Variants in FANCD2 observed in about 807,000 individuals in gnomAD.
FANCD2 encodes FA complementation group D2, also known as Fanconi anemia group D2 protein.
A neutral mutation model predicts 192.3 loss-of-function variants in FANCD2; 131 were observed. That is an observed-to-expected ratio of 0.68 (90% CI 0.59 to 0.79). The LOEUF is 0.79. Among genes scored for constraint, FANCD2 ranks in the 30% least tolerant of loss-of-function variants. The pLI is 0.00. For synonymous variants in FANCD2, 524 were observed against 612.5 expected (o/e 0.86, Z 2.13); for missense variants, 1,508 against 1,701.6 (o/e 0.89, Z 2.00).
chr3:10,084,144 C>T (rs1694027116), intron 32 of FANCD2, among the ~76,000 whole-genome samples: 1 of 151,788 alleles, frequency 6.6e-6, no homozygotes, highest in African/African-American at 2.4e-5. Context: ...CATGCGCCTG[C>T]CACTGCACCT....
chr3:10,094,814 T>C, intron 40 of FANCD2: 1 of 336,038 alleles, frequency 3.0e-6, no homozygotes, highest in South Asian at 2.9e-5. Flanking sequence ...GAATTAAGGA[T>C]AGAATCACAT....
intron 18 of FANCD2, among the ~76,000 whole-genome samples, chr3:10,053,741 C>G (rs1424571167): frequency 2.0e-5 from 3 of 151,872 alleles, no homozygotes; most frequent in African/African-American, 7.3e-5. Flanking sequence ...TATTCTGTGC[C>G]AGGCACTGAT....
intron 20 of FANCD2, 94 bp downstream of exon 20, chr3:10,062,305 A>G: frequency 1.0e-6 from 1 of 986,092 alleles, no homozygotes; most frequent in Non-Finnish European, 1.5e-6. Context: ...CAGTGGCAAG[A>G]TCTCGGCTCA....
At chr3:10,086,044 ACT>A in intron 33 of FANCD2, 122 bp downstream of exon 33, 1 of 720,988 alleles carries the variant, frequency 1.4e-6, no homozygotes, top group Non-Finnish European at 2.6e-6. Flanking sequence ...ATTTTCAGCT[ACT>A]CTCCTCATAT....
At chr3:10,048,136 C>T (rs1188973974) in intron 16 of FANCD2, 85 bp downstream of exon 16, 28 of 1,582,112 alleles carry the variant, frequency 1.8e-5, no homozygotes, top group East Asian at 2.2e-5. Context: ...TTGGAACTCA[C>T]TGAAGGGGAA....
At chr3:10,029,513 G>C (rs1451264491) in intron 2 of FANCD2, among the ~76,000 whole-genome samples, 1 of 152,056 alleles carries the variant, frequency 6.6e-6, no homozygotes, top group African/African-American at 2.4e-5. Context: ...CTCAAAAAGG[G>C]AGTGGGGGGC....
chr3:10,064,648 A>C (rs1306047683), intron 22 of FANCD2, 81 bp from the exon 23 acceptor site: 2 of 1,463,736 alleles, frequency 1.4e-6, no homozygotes, highest in Non-Finnish European at 1.9e-6. Flanking sequence ...GTTGTGTTTG[A>C]AATTGGTTTG....
intron 8 of FANCD2, 36 bp downstream of exon 8, chr3:10,039,393 G>C: frequency 6.6e-7 from 1 of 1,511,260 alleles, no homozygotes; most frequent in Non-Finnish European, 9.2e-7. Flanking sequence ...AATTTAAAGA[G>C]TATGTTTCTC....
intron 7 of FANCD2, among the ~76,000 whole-genome samples, chr3:10,037,815 G>C (rs2086768285): frequency 6.6e-6 from 1 of 152,002 alleles, no homozygotes; most frequent in Non-Finnish European, 1.5e-5. Flanking sequence ...TATTAGGTTG[G>C]TGCAAAAGTA....
intron 25 of FANCD2, among the ~76,000 whole-genome samples, 161 bp downstream of exon 25, chr3:10,066,140 T>G (rs185027909): frequency 6.6e-5 from 10 of 152,342 alleles, no homozygotes; most frequent in Admixed American, 1.3e-4. Flanking sequence ...ATGAACCTCC[T>G]TAGGTAGCCA....
chr3:10,069,527 T>TACTGC (rs997012592), intron 26 of FANCD2, among the ~76,000 whole-genome samples: 10 of 138,926 alleles, frequency 7.2e-5, no homozygotes, highest in Non-Finnish European at 1.4e-4. Context: ...AGCTGGACTG[T>TACTGC]ACTGCTGCCA....
At chr3:10,046,348 T>C (rs1045788978) in intron 14 of FANCD2, 14 of 545,400 alleles carry the variant, frequency 2.6e-5, no homozygotes, top group Admixed American at 1.6e-4. Context: ...CCACTGTGCC[T>C]GGCCTGCTCT....
At chr3:10,060,472 A>C in intron 19 of FANCD2, 69 bp downstream of exon 19, 117 of 1,142,870 alleles carry the variant, frequency 1.0e-4, no homozygotes, top group Non-Finnish European at 1.5e-4. Flanking sequence ...GTTACATCTC[A>C]TAGACATCAT....
Position 10,090,357 on chromosome 3 carries a change from A to G in FANCD2, c.3749A>G (p.Glu1250Gly). 1.2e-6 allele frequency: 2 copies of G among 1,607,706 alleles called. No individual in the cohort carries two copies. The highest frequency in any genetic ancestry group is 1.7e-6 in the Non-Finnish European group (2 of 1,176,768). The change falls in exon 37 of 44, where the codon GAG becomes GGG. Residue 1250 changes from glutamate (E) to glycine (G), a missense_variant. By Grantham distance (98) the Glu-to-Gly change is moderately conservative. Transcript: ENST00000675286. ...AELEKTVKKI[E>G]PGTAADSQQI... is the part of the protein sequence containing the mutation. ...CTAGAGAAGACGGTGAAAAAAATTG[A>G]GCCTGGCACAGCAGCAGACTCGCAG...
chr3:10,029,854 G>A (rs2086547666), intron 2 of FANCD2, among the ~76,000 whole-genome samples: 1 of 152,112 alleles, frequency 6.6e-6, no homozygotes, highest in Admixed American at 6.6e-5. Flanking sequence ...CACAATCTCG[G>A]CTCACTGCAA....
chr3:10,040,080 G>A, intron 9 of FANCD2: 2 of 515,150 alleles, frequency 3.9e-6, no homozygotes, highest in African/African-American at 2.0e-5. Flanking sequence ...TGTCGCCCAG[G>A]CTGGAGTGCA....
intron 27 of FANCD2, 79 bp downstream of exon 27, chr3:10,073,060 G>A (rs1693343700): frequency 1.1e-6 from 1 of 902,248 alleles, no homozygotes; most frequent in African/African-American, 1.7e-5. Context: ...GTGTATCATG[G>A]CATCAGTAAT....
At chr3:10,099,047 G>T in intron 43 of FANCD2, 1 of 1,597,752 alleles carries the variant, frequency 6.3e-7, no homozygotes, top group South Asian at 1.1e-5. Context: ...ATTTGTTATA[G>T]AGTTGACAAT....
chr3:10,065,243 C>G (rs771323964), intron 23 of FANCD2, 151 bp from the exon 24 acceptor site: 3 of 672,994 alleles, frequency 4.5e-6, no homozygotes, highest in Non-Finnish European at 5.4e-6. Flanking sequence ...GAGCTGAGAT[C>G]GTGCCACTGC....
Sources: allele counts gnomAD v4.1 joint callset (sites outside exome capture counted in the v4.1 genomes callset), GRCh38; gene constraint gnomAD v4.1.1; transcripts MANE v1.5; gene names NCBI Gene and HGNC (gene_info 2026-07-23, HGNC 2026-07-21).